FBXO15: variants seen among roughly 807,000 people sequenced by gnomAD.
FBXO15 encodes the protein F-box only protein 15.
A neutral mutation model predicts 49.5 loss-of-function variants in FBXO15; 30 were observed. The ratio of observed to expected loss-of-function variants is 0.61; its 90% CI spans 0.45 to 0.82. The LOEUF (loss-of-function observed/expected upper bound fraction) is 0.82. FBXO15 is among the 40% of genes least tolerant of loss of function. The probability of loss-of-function intolerance (pLI) is 0.00; values close to 1 mark genes in which losing one functional copy is unlikely to be tolerated. For synonymous variants in FBXO15, 250 were observed against 232.7 expected (o/e 1.07, Z -0.68); for missense variants, 591 against 631.5 (o/e 0.94, Z 0.69).
Position 74,147,731 on chromosome 18 carries a change from G to C in FBXO15, c.55C>G (p.Leu19Val). Residue 19 changes from leucine (L) to valine (V), a missense_variant, in exon 1 of 10, where the codon CTG becomes GTG. Transcript: ENST00000419743. ...LQQHWLGLQT[L>V]RGPSRGGGAA... ...CCACCGCCCCTGCTGGGCCCGCGCA[G>C]CGTCTGGAGGCCGAGCCAGTGCTGC... 2 of 1,536,192 alleles carry C rather than the reference G, an allele frequency of 1.3e-6. No individual in the cohort carries two copies. The highest frequency in any genetic ancestry group is 1.7e-6 in the Non-Finnish European group (2 of 1,143,262).
Position 74,130,631 on chromosome 18 carries a change from A to G in FBXO15, c.360T>C (p.Thr120=). 6.2e-7 allele frequency: 1 copy of G among 1,613,894 alleles called. No individual in the cohort carries two copies. Among genetic ancestry groups the G allele is most frequent in the Non-Finnish European group, 8.5e-7 (1 of 1,179,890 alleles). Reference sequence around the variant, plus strand: ...AATTTGATCTTGCAGGTGAAAAAGCAGTTGAGTAGATTCCGATCCAAATAA... The same window carrying G: ...AATTTGATCTTGCAGGTGAAAAAGCGGTTGAGTAGATTCCGATCCAAATAA... ...DNFIWIGIYS[T]AFSPARSNWK... is the part of the protein sequence containing the mutation. The change falls in exon 4 of 10, where the codon ACT becomes ACC. Residue 120 remains threonine (T), a synonymous_variant. Coordinates refer to ENST00000419743, the MANE Select transcript of FBXO15 (RefSeq NM_001142958.2).
chr18:74,096,819 A>G lies in FBXO15; in HGVS notation c.1139-14768T>C, dbSNP rs930073580. Among the ~76,000 whole-genome samples the G allele has an allele frequency of 4.6e-5, 7 of 152,242 alleles. No homozygotes were observed. The East Asian group carries it at 1.2e-3, about 25-fold the overall frequency. The stretch of plus-strand genomic sequence containing the variant: ...CAGGAAAATAAACATGTTGATAAAC[A>G]AGGAAAGATGAGAAAAGACACAGAC... On this transcript the variant is annotated intron_variant, in intron 8 of 9. Transcript: ENST00000419743.
chr18:74,096,765 G>A (rs529174687), intron 8 of FBXO15, among the ~76,000 whole-genome samples: 2 of 152,184 alleles, frequency 1.3e-5, no homozygotes, highest in East Asian at 1.9e-4. Flanking sequence ...GAAACTCAGT[G>A]ATCTCCAAGA....
At chr18:74,135,975 G>C in intron 2 of FBXO15, 109 bp from the exon 3 acceptor site, 1 of 774,332 alleles carries the variant, frequency 1.3e-6, no homozygotes, top group Non-Finnish European at 2.1e-6. Context: ...AGGCCGTAGA[G>C]AGACCCCTCC....
At position 74,129,633 on chromosome 18, in the gene FBXO15, A is replaced by G. The variant is rs374957246; in HGVS notation, c.576-19T>C. The G allele has an allele frequency of 1.9e-6, 3 of 1,589,558 alleles. No individual in the cohort carries two copies. The South Asian group carries it at 3.4e-5, about 18-fold the overall frequency. On this transcript the variant is annotated intron_variant, in intron 4 of 9. Coordinates refer to ENST00000419743, the MANE Select transcript of FBXO15 (RefSeq NM_001142958.2). ...AAATATTCTGGAGAAAGAAAAAAAA[A>G]CTAACAATGTTTGCCTCATTGAAAA...
chr18:74,090,992 AC>A (rs1204297655), intron 8 of FBXO15, among the ~76,000 whole-genome samples: 9 of 152,150 alleles, frequency 5.9e-5, no homozygotes, highest in African/African-American at 2.2e-4. Context: ...TTAGTGGGGT[AC>A]TAAAGTCTCC....
At chr18:74,076,601 G>C (rs1178181247) in intron 9 of FBXO15, 1 of 152,104 alleles carries the variant, frequency 6.6e-6, no homozygotes, top group Non-Finnish European at 1.5e-5. Flanking sequence ...ATGCCAAGCA[G>C]ACTAGGAAAC....
Position 74,125,996 on chromosome 18 carries a change from GC to G in FBXO15, c.890del (p.Gly297AlafsTer31), listed in dbSNP as rs1914692002. On this transcript the variant is annotated frameshift_variant, in exon 6 of 10. Coordinates refer to ENST00000419743, the MANE Select transcript of FBXO15 (RefSeq NM_001142958.2). LOFTEE classifies it high-confidence loss of function. The stretch of plus-strand genomic sequence containing the variant: ...TTACCTTCCACACTCCCACCAGGAG[GC>G]CAGGGTGCAGGCAGAAGATCCGAAT... The part of the protein sequence containing the change: ...RLIRIFCLHP[G>X]LLVGVWKKEE... The G allele has an allele frequency of 1.9e-6, 3 of 1,613,938 alleles. No individual in the cohort carries two copies. Among genetic ancestry groups the G allele is most frequent in the Non-Finnish European group, 1.7e-6 (2 of 1,179,974 alleles).
At position 74,073,510 on chromosome 18, in the gene FBXO15, AG is replaced by A; in HGVS notation, c.1483del (p.Leu495PhefsTer27). ...TEEYLIVNLV[L>X]YLSIAKINHW... ...GTTGATTTTTGCGATACTAAGATAA[AG>A]GACCAGGTTGACAATAAGGTATTCT... On this transcript the variant is annotated frameshift_variant, in exon 10 of 10. Transcript: ENST00000419743. LOFTEE classifies it high-confidence loss of function. 1 of 1,614,158 alleles carries A rather than the reference AG, an allele frequency of 6.2e-7. No homozygotes were observed. Among genetic ancestry groups the A allele is most frequent in the Non-Finnish European group, 8.5e-7 (1 of 1,180,022 alleles).
At chr18:74,147,564 C>G in intron 1 of FBXO15, 106 bp downstream of exon 1, 1 of 1,298,580 alleles carries the variant, frequency 7.7e-7, no homozygotes, top group Non-Finnish European at 9.8e-7. Context: ...AAGACGGCCA[C>G]GGGCCTTGCG....
chr18:74,093,053 C>T (rs1913115646), intron 8 of FBXO15, among the ~76,000 whole-genome samples: 1 of 152,126 alleles, frequency 6.6e-6, no homozygotes, highest in African/African-American at 2.4e-5. Flanking sequence ...TGCATGTGTT[C>T]ATACCAGCAG....
intron 8 of FBXO15, chr18:74,098,011 G>A (rs1913354773): frequency 6.6e-6 from 1 of 152,428 alleles, no homozygotes; most frequent in Admixed American, 6.5e-5. Flanking sequence ...GCTAGATCCA[G>A]AAGAGAGATA....
intron 4 of FBXO15, 138 bp from the exon 5 acceptor site, chr18:74,129,752 A>G (rs1978316324): frequency 1.5e-6 from 1 of 683,854 alleles, no homozygotes; most frequent in Admixed American, 2.9e-5. Flanking sequence ...GCCCAGTATA[A>G]TTTTCACTTC....
At chr18:74,142,085 G>A (rs1979113355) in intron 1 of FBXO15, among the ~76,000 whole-genome samples, 1 of 152,086 alleles carries the variant, frequency 6.6e-6, no homozygotes, top group South Asian at 2.1e-4. Context: ...AAAAAATGCT[G>A]GCTCCACATG....
chr18:74,086,160 A>G (rs1239921091), intron 8 of FBXO15, among the ~76,000 whole-genome samples: 1 of 152,198 alleles, frequency 6.6e-6, no homozygotes, highest in Non-Finnish European at 1.5e-5. Flanking sequence ...AAAAAAATTA[A>G]TATCAAGAAA....
chr18:74,083,296 T>G (rs1912583910), intron 8 of FBXO15, among the ~76,000 whole-genome samples: 1 of 152,132 alleles, frequency 6.6e-6, no homozygotes, highest in Admixed American at 6.5e-5. Flanking sequence ...CACGGACCCT[T>G]CCCAGGCAAC....
At chr18:74,121,680 C>A (rs1474564661) in intron 8 of FBXO15, among the ~76,000 whole-genome samples, 1 of 152,106 alleles carries the variant, frequency 6.6e-6, no homozygotes, top group Non-Finnish European at 1.5e-5. Flanking sequence ...ATCCCACCGA[C>A]CAAGTAACTT....
At chr18:74,110,194 CATAT>C (rs58739905) in intron 8 of FBXO15, among the ~76,000 whole-genome samples, 11,665 of 143,538 alleles carry the variant, frequency 0.081, 740 homozygotes, top group Admixed American at 0.19. Context: ...CATATGTGTG[CATAT>C]ATATATATAT....
chr18:74,137,971 C>T (rs1978824721), intron 2 of FBXO15, among the ~76,000 whole-genome samples: 1 of 152,098 alleles, frequency 6.6e-6, no homozygotes, highest in Non-Finnish European at 1.5e-5. Flanking sequence ...GGAGAATGCT[C>T]ACTTCCTCTC....
Sources: allele counts gnomAD v4.1 joint callset (sites outside exome capture counted in the v4.1 genomes callset), GRCh38; gene constraint gnomAD v4.1.1; transcripts MANE v1.5; gene names NCBI Gene and HGNC (gene_info 2026-07-23, HGNC 2026-07-21).